SOX5: variants seen among roughly 807,000 people sequenced by gnomAD.
SOX5 encodes the protein SRY-box transcription factor 5.
SOX5 carries 9 observed loss-of-function variants against 92.0 expected under a neutral mutation model. The ratio of observed to expected loss-of-function variants is 0.10; its 90% CI spans 0.06 to 0.17. The LOEUF (loss-of-function observed/expected upper bound fraction) is 0.17. Among genes scored for constraint, SOX5 ranks in the 10% least tolerant of loss-of-function variants. SOX5 has a pLI of 1.00. For synonymous variants in SOX5, 344 were observed against 336.3 expected, an observed-to-expected ratio of 1.02 and a Z score of -0.25; for missense variants, 642 against 944.5, an observed-to-expected ratio of 0.68 and a Z score of 4.20.
chr12:24,397,230 T>G (rs147025298), intron 1 of SOX5, among the ~76,000 whole-genome samples: 19 of 152,156 alleles, frequency 1.2e-4, no homozygotes, highest in African/African-American at 4.3e-4. Flanking sequence ...TTTTGACAAG[T>G]CAAACCAGAA....
At chr12:23,899,003 C>T (rs2097204979) in intron 1 of SOX5, among the ~76,000 whole-genome samples, 1 of 151,958 alleles carries the variant, frequency 6.6e-6, no homozygotes, top group African/African-American at 2.4e-5. Context: ...TTACTATGAC[C>T]CATAGTACTT....
chr12:23,543,019 G>T (rs1942416487), intron 13 of SOX5, among the ~76,000 whole-genome samples, 192 bp downstream of exon 13: 1 of 152,098 alleles, frequency 6.6e-6, no homozygotes, highest in African/African-American at 2.4e-5. Flanking sequence ...ATGAGCTATA[G>T]AAATATGGCA....
At chr12:24,278,875 C>CT (rs11357779) in intron 2 of SOX5, among the ~76,000 whole-genome samples, 1,455 of 141,038 alleles carry the variant, frequency 0.01, 13 homozygotes, top group African/African-American at 0.031. Flanking sequence ...ACAAACTCCA[C>CT]TTTTTTTTTT....
intron 2 of SOX5, among the ~76,000 whole-genome samples, chr12:23,886,531 ATT>A (rs1051910453): frequency 6.8e-6 from 1 of 147,894 alleles, no homozygotes; most frequent in Non-Finnish European, 1.5e-5. Flanking sequence ...ATACTGCAAG[ATT>A]TTTTTTTTTC....
At chr12:23,647,859 C>T (rs1180298159) in intron 7 of SOX5, among the ~76,000 whole-genome samples, 2 of 152,192 alleles carry the variant, frequency 1.3e-5, no homozygotes, top group Non-Finnish European at 2.9e-5. Flanking sequence ...CTCAAACTTC[C>T]TGCAACTCAA....
intron 3 of SOX5, among the ~76,000 whole-genome samples, chr12:24,221,735 C>T (rs954191598): frequency 6.6e-6 from 1 of 152,178 alleles, no homozygotes; most frequent in African/African-American, 2.4e-5. Flanking sequence ...TATTAAATAG[C>T]AACAAGTGCT....
At chr12:23,877,777 A>C (rs1031875699) in intron 2 of SOX5, among the ~76,000 whole-genome samples, 80 of 152,164 alleles carry the variant, frequency 5.3e-4, no homozygotes, top group African/African-American at 1.8e-3. Context: ...TATTCTTTGG[A>C]ACAAAATTTT....
At chr12:23,966,977 GAAA>G in intron 4 of SOX5, among the ~76,000 whole-genome samples, 1 of 152,238 alleles carries the variant, frequency 6.6e-6, no homozygotes, top group Middle Eastern at 3.4e-3. Flanking sequence ...GAATGATGCT[GAAA>G]AGAGCAATGA....
At chr12:23,621,568 C>T (rs1035505160) in intron 8 of SOX5, among the ~76,000 whole-genome samples, 3 of 151,986 alleles carry the variant, frequency 2.0e-5, no homozygotes, top group African/African-American at 7.2e-5. Context: ...CTATTTTATT[C>T]CCATGTGTTG....
In SOX5 at chr12:23,907,207, CAG is replaced by C. The variant is rs140614508; in HGVS notation, c.39-11185_39-11184del. The stretch of plus-strand genomic sequence containing the variant: ...GTGTGTATGTGTGCACACGTGCGTG[CAG>C]AGAGAGAGAGACAAAAAGAGGAATT... On this transcript the variant is annotated intron_variant, in intron 1 of 14. Coordinates refer to ENST00000451604, the MANE Select transcript of SOX5 (RefSeq NM_006940.6). Among the ~76,000 whole-genome samples, 984 of 150,872 alleles carry C rather than the reference CAG, an allele frequency of 6.5e-3. 14 individuals carry two copies. Among genetic ancestry groups the C allele is most frequent in the African/African-American group, 0.023 (936 of 41,142 alleles).
intron 6 of SOX5, among the ~76,000 whole-genome samples, chr12:23,700,451 A>C (rs544454010): frequency 1.2e-4 from 19 of 152,198 alleles, no homozygotes; most frequent in African/African-American, 4.1e-4. Flanking sequence ...ATATATTATA[A>C]AGCACTTTTA....
chr12:24,043,643 C>G (rs567526241), intron 4 of SOX5, among the ~76,000 whole-genome samples: 2 of 152,146 alleles, frequency 1.3e-5, no homozygotes, highest in Non-Finnish European at 2.9e-5. Flanking sequence ...AGTATCCTAA[C>G]AAGACACAAG....
At chr12:23,776,106 A>C (rs544207945) in intron 3 of SOX5, among the ~76,000 whole-genome samples, 9 of 152,352 alleles carry the variant, frequency 5.9e-5, no homozygotes, top group African/African-American at 1.9e-4. Context: ...CTCAGAGAAA[A>C]TGAAATTTAT....
At chr12:23,996,153 G>A (rs11047194) in intron 4 of SOX5, among the ~76,000 whole-genome samples, 11,693 of 152,104 alleles carry the variant, frequency 0.077, 1,086 homozygotes, top group East Asian at 0.4. Flanking sequence ...TACTGATGAA[G>A]GGCTACTAAA....
intron 1 of SOX5, among the ~76,000 whole-genome samples, chr12:23,947,239 A>G (rs1406972854): frequency 6.6e-6 from 1 of 151,954 alleles, no homozygotes; most frequent in Non-Finnish European, 1.5e-5. Context: ...CTTCTTTTAG[A>G]TTTCTAAGTT....
chr12:24,499,320 G>T (rs1947953380), intron 1 of SOX5, among the ~76,000 whole-genome samples: 2 of 152,202 alleles, frequency 1.3e-5, no homozygotes, highest in Non-Finnish European at 2.9e-5. Context: ...GGGCTGTAGG[G>T]CTTAAGAGGA....
Position 24,095,090 on chromosome 12 carries a change from AACACAC to A in SOX5, c.-2+118247_-2+118252del, listed in dbSNP as rs150030739. On this transcript the variant is annotated intron_variant, in intron 4 of 4. Transcript: ENST00000446891. ...ACTTTCTTATAATTTCTAGCCCCGA[AACACAC>A]ACACACACACACACACACACACACA... is the stretch of plus-strand genomic sequence containing the variant. Among the ~76,000 whole-genome samples, 391 of 131,416 alleles carry A rather than the reference AACACAC, an allele frequency of 3.0e-3. 4 individuals carry two copies. Among genetic ancestry groups the A allele is most frequent in the South Asian group, 7.4e-3 (28 of 3,784 alleles). The allele number at this position is 131,416 out of a possible 152,430, so 86.2% of individuals were successfully genotyped here.
At chr12:24,191,513 G>T (rs1416507016) in intron 4 of SOX5, among the ~76,000 whole-genome samples, 1 of 152,124 alleles carries the variant, frequency 6.6e-6, no homozygotes, top group Non-Finnish European at 1.5e-5. Context: ...TTGTTCCCCG[G>T]ACACCTGCTA....
chr12:23,804,155 A>G (rs2095714101), intron 3 of SOX5, among the ~76,000 whole-genome samples: 1 of 152,190 alleles, frequency 6.6e-6, no homozygotes, highest in South Asian at 2.1e-4. Flanking sequence ...CTTAAGCCTC[A>G]ATACTCTCAA....
Sources: allele counts gnomAD v4.1 joint callset (sites outside exome capture counted in the v4.1 genomes callset), GRCh38; gene constraint gnomAD v4.1.1; transcripts MANE v1.5; gene names NCBI Gene and HGNC (gene_info 2026-07-23, HGNC 2026-07-21).